KAZN: variants seen among roughly 807,000 people sequenced by gnomAD.
KAZN encodes kazrin, periplakin interacting protein.
In KAZN, 40 loss-of-function variants were observed where a neutral mutation model predicts 87.4. The observed-to-expected ratio is 0.46, with a 90% CI of 0.36 to 0.60. The LOEUF (loss-of-function observed/expected upper bound fraction) is 0.60, where lower values mean the gene tolerates loss of function less well. Among genes scored for constraint, KAZN ranks in the 20% least tolerant of loss-of-function variants. The probability of loss-of-function intolerance (pLI) is 0.00; values close to 1 mark genes in which losing one functional copy is unlikely to be tolerated. For synonymous variants in KAZN, 466 were observed against 458.3 expected (o/e 1.02, Z -0.22); for missense variants, 898 against 1,073.9 (o/e 0.84, Z 2.29).
chr1:15,036,389 C>A (rs554441981), intron 3 of KAZN, among the ~76,000 whole-genome samples: 1 of 117,688 alleles, frequency 8.5e-6, no homozygotes, highest in Non-Finnish European at 1.8e-5. Context: ...CTGCCCAGCT[C>A]CCCCTGCCCT....
At chr1:13,983,822 G>A (rs568465499) in intron 1 of KAZN, among the ~76,000 whole-genome samples, 6 of 152,052 alleles carry the variant, frequency 3.9e-5, no homozygotes, top group Non-Finnish European at 5.9e-5. Context: ...TTTTTGTTTC[G>A]AAAGTTATAC....
At chr1:14,056,013 T>C (rs1642539444) in intron 1 of KAZN, among the ~76,000 whole-genome samples, 1 of 152,152 alleles carries the variant, frequency 6.6e-6, no homozygotes, top group African/African-American at 2.4e-5. Flanking sequence ...TTAATCTGAA[T>C]TTCTAGTTTC....
intron 2 of KAZN, among the ~76,000 whole-genome samples, chr1:15,031,636 C>T (rs1033751858): frequency 2.0e-5 from 3 of 148,524 alleles, no homozygotes; most frequent in African/African-American, 7.4e-5. Flanking sequence ...CTGGATCTTG[C>T]TCTGTCACCC....
intron 2 of KAZN, among the ~76,000 whole-genome samples, chr1:14,315,885 C>A (rs1345631435): frequency 1.3e-5 from 2 of 149,450 alleles, no homozygotes; most frequent in South Asian, 2.1e-4. Context: ...TTTGTATGAA[C>A]ATTTTTTTTT....
chr1:14,816,892 G>A (rs1192888596), intron 1 of KAZN, among the ~76,000 whole-genome samples: 2 of 152,180 alleles, frequency 1.3e-5, no homozygotes, highest in African/African-American at 2.4e-5. Context: ...ATTCTACAGG[G>A]TGTAACACCA....
chr1:14,673,308 C>T (rs1386556773), intron 1 of KAZN, among the ~76,000 whole-genome samples: 1 of 152,216 alleles, frequency 6.6e-6, no homozygotes, highest in Non-Finnish European at 1.5e-5. Flanking sequence ...TGGATGGACA[C>T]ATAACCATGC....
At chr1:14,619,737 T>C (rs533977678) in intron 1 of KAZN, among the ~76,000 whole-genome samples, 25 of 152,328 alleles carry the variant, frequency 1.6e-4, no homozygotes, top group African/African-American at 5.3e-4. Context: ...CTGCTTTCTG[T>C]ATCTGTGGAT....
intron 2 of KAZN, among the ~76,000 whole-genome samples, chr1:14,310,471 A>G (rs1655206771): frequency 6.6e-6 from 1 of 152,162 alleles, no homozygotes; most frequent in African/African-American, 2.4e-5. Flanking sequence ...CATCTAGCAT[A>G]AATCTCTCTA....
At chr1:14,128,653 C>T (rs1644925716) in intron 1 of KAZN, among the ~76,000 whole-genome samples, 1 of 152,042 alleles carries the variant, frequency 6.6e-6, no homozygotes, top group Admixed American at 6.6e-5. Flanking sequence ...CTTGAAAGCC[C>T]CTATCTCCAA....
chr1:14,973,575 G>A (rs1049107815), intron 2 of KAZN, among the ~76,000 whole-genome samples: 1 of 152,142 alleles, frequency 6.6e-6, no homozygotes, highest in African/African-American at 2.4e-5. Flanking sequence ...AAAGTGGAGA[G>A]GAAGGGGAAG....
At chr1:15,072,660 T>C (rs1639565238) in intron 8 of KAZN, among the ~76,000 whole-genome samples, 1 of 152,206 alleles carries the variant, frequency 6.6e-6, no homozygotes, top group East Asian at 1.9e-4. Flanking sequence ...CCAAAATACA[T>C]GTCATCCCCA....
intron 1 of KAZN, among the ~76,000 whole-genome samples, chr1:14,702,326 CTGTGTGTG>C (rs3222186): frequency 3.8e-4 from 51 of 133,368 alleles, no homozygotes; most frequent in East Asian, 1.4e-3. Context: ...TTTTGCAAAA[CTGTGTGTG>C]TGTGTGTGTG....
At chr1:15,082,846 C>A (rs1640071469) in intron 8 of KAZN, among the ~76,000 whole-genome samples, 1 of 152,198 alleles carries the variant, frequency 6.6e-6, no homozygotes, top group African/African-American at 2.4e-5. Context: ...GTGCGTGCCA[C>A]CATACCTGGC....
chr1:14,019,872 C>T (rs1415284620), intron 1 of KAZN, among the ~76,000 whole-genome samples: 4 of 152,066 alleles, frequency 2.6e-5, no homozygotes, highest in East Asian at 1.9e-4. Flanking sequence ...GGATGGCTGT[C>T]GGGGGATGGT....
chr1:15,103,512 T>A, intron 12 of KAZN, 52 bp downstream of exon 12: 1 of 1,170,754 alleles, frequency 8.5e-7, no homozygotes, highest in Non-Finnish European at 1.2e-6. Flanking sequence ...ACAAACCCCA[T>A]GCAAATCTAT....
At chr1:14,137,065 A>G (rs1645123494) in intron 1 of KAZN, among the ~76,000 whole-genome samples, 1 of 152,174 alleles carries the variant, frequency 6.6e-6, no homozygotes, top group Non-Finnish European at 1.5e-5. Context: ...AGGAGCTAAC[A>G]TGCCCTGGGT....
chr1:14,486,613 A>T (rs923283089), intron 2 of KAZN, among the ~76,000 whole-genome samples: 12 of 152,226 alleles, frequency 7.9e-5, no homozygotes, highest in African/African-American at 2.9e-4. Flanking sequence ...TACATTTAAG[A>T]TCCACAAAAG....
At chr1:14,893,111 T>C (rs931526114) in intron 1 of KAZN, among the ~76,000 whole-genome samples, 1 of 152,212 alleles carries the variant, frequency 6.6e-6, no homozygotes, top group Non-Finnish European at 1.5e-5. Flanking sequence ...CTCATGCCTG[T>C]AATCCCAGCA....
At chr1:14,099,946 C>T (rs139715904) in intron 1 of KAZN, among the ~76,000 whole-genome samples, 188 of 152,202 alleles carry the variant, frequency 1.2e-3, no homozygotes, top group African/African-American at 4.5e-3. Context: ...CCCTCCCTTC[C>T]TCTCTTCCTC....
Sources: allele counts gnomAD v4.1 joint callset (sites outside exome capture counted in the v4.1 genomes callset), GRCh38; gene constraint gnomAD v4.1.1; transcripts MANE v1.5; gene names NCBI Gene and HGNC (gene_info 2026-07-23, HGNC 2026-07-21).